Variants in BRINP3 observed in about 807,000 individuals in gnomAD.
BRINP3 encodes BMP/retinoic acid-inducible neural-specific protein 3.
BRINP3 carries 19 observed loss-of-function variants against 71.0 expected under a neutral mutation model. The ratio of observed to expected loss-of-function variants is 0.27; its 90% CI spans 0.19 to 0.39. BRINP3 has a LOEUF of 0.39. Among genes scored for constraint, BRINP3 ranks in the 10% least tolerant of loss-of-function variants. The probability of loss-of-function intolerance (pLI) is 1.00; values close to 1 mark genes in which losing one functional copy is unlikely to be tolerated. For missense variants in BRINP3, 959 were observed against 940.8 expected (o/e 1.02, Z -0.25); for synonymous variants, 380 against 337.7 (o/e 1.13, Z -1.37).
intron 7 of BRINP3, among the ~76,000 whole-genome samples, chr1:190,122,864 T>G (rs971458784): frequency 6.6e-6 from 1 of 152,116 alleles, no homozygotes; most frequent in Non-Finnish European, 1.5e-5. Context: ...GGTATAGATA[T>G]AGATAGTGTT....
At chr1:190,367,027 T>C (rs1669548244) in intron 2 of BRINP3, among the ~76,000 whole-genome samples, 1 of 152,194 alleles carries the variant, frequency 6.6e-6, no homozygotes, top group Admixed American at 6.5e-5. Flanking sequence ...GCTACCATTC[T>C]GGCATCTGGA....
intron 2 of BRINP3, among the ~76,000 whole-genome samples, chr1:190,355,385 A>C (rs1668663807): frequency 6.6e-6 from 1 of 151,878 alleles, no homozygotes; most frequent in Non-Finnish European, 1.5e-5. Context: ...AAAGTATGTA[A>C]ATTAACTTCT....
intron 6 of BRINP3, among the ~76,000 whole-genome samples, chr1:190,212,612 T>A (rs1656081105): frequency 6.6e-6 from 1 of 152,144 alleles, no homozygotes; most frequent in Non-Finnish European, 1.5e-5. Context: ...ATATTCTGAA[T>A]CATCTTCTCC....
chr1:190,445,573 TCA>T (rs34406812), intron 2 of BRINP3, among the ~76,000 whole-genome samples: 25,148 of 148,648 alleles, frequency 0.17, 2,338 homozygotes, highest in African/African-American at 0.25. Context: ...TAACACATAC[TCA>T]CACACACACA....
At chr1:190,148,298 C>CT (rs1280142158) in intron 7 of BRINP3, among the ~76,000 whole-genome samples, 1 of 151,832 alleles carries the variant, frequency 6.6e-6, no homozygotes, top group Non-Finnish European at 1.5e-5. Flanking sequence ...ATGAACCTCA[C>CT]TTTTAAAATA....
chr1:190,406,273 T>G (rs2102384671), intron 2 of BRINP3, among the ~76,000 whole-genome samples: 1 of 152,312 alleles, frequency 6.6e-6, no homozygotes, highest in East Asian at 1.9e-4. Flanking sequence ...CTGGCTACTT[T>G]CAGTCATCTC....
intron 2 of BRINP3, among the ~76,000 whole-genome samples, chr1:190,312,092 C>A (rs1243293943): frequency 2.5e-5 from 3 of 121,332 alleles, no homozygotes; most frequent in Non-Finnish European, 5.1e-5. Flanking sequence ...TCTAAGGTCA[C>A]CTTGTAGATA....
At chr1:190,259,193 G>A (rs1368316444) in intron 4 of BRINP3, among the ~76,000 whole-genome samples, 3 of 150,818 alleles carry the variant, frequency 2.0e-5, no homozygotes, top group Non-Finnish European at 4.4e-5. Context: ...TGTATCTCAG[G>A]AAAATATAGT....
chr1:190,241,432 G>A (rs1659083001), intron 4 of BRINP3, among the ~76,000 whole-genome samples: 1 of 151,754 alleles, frequency 6.6e-6, no homozygotes, highest in Admixed American at 6.6e-5. Flanking sequence ...AACAAGTTTT[G>A]GAAACTTTGC....
intron 2 of BRINP3, among the ~76,000 whole-genome samples, chr1:190,438,406 T>C (rs1415096274): frequency 6.6e-6 from 1 of 151,746 alleles, no homozygotes; most frequent in African/African-American, 2.4e-5. Flanking sequence ...TCGATATATG[T>C]AAAACAGGAT....
chr1:190,098,590 C>G lies in BRINP3; in HGVS notation c.1729G>C (p.Gly577Arg). ...AACCAGCTCTCAGAGTGGCTGCCTC[C>G]GAAGGGATTGACATAAACAGCCAAC... ...PVLAVYVNPF[G>R]GSHSESWFMP... The change falls in exon 8 of 8, where the codon GGA (glycine) becomes CGA (arginine). Residue 577 changes from glycine (G) to arginine (R), a missense_variant. By Grantham distance (125) the Gly-to-Arg change is moderately radical. Coordinates refer to ENST00000367462, the MANE Select transcript of BRINP3 (RefSeq NM_199051.3). 6.2e-7 allele frequency: 1 copy of G among 1,614,098 alleles called. No homozygotes were observed. Among genetic ancestry groups the G allele is most frequent in the Non-Finnish European group, 8.5e-7 (1 of 1,180,010 alleles).
At chr1:190,219,773 G>A (rs1656713760) in intron 6 of BRINP3, among the ~76,000 whole-genome samples, 1 of 151,796 alleles carries the variant, frequency 6.6e-6, no homozygotes, top group African/African-American at 2.4e-5. Flanking sequence ...GGGAGGTGGA[G>A]GTTTCAGTGA....
intron 7 of BRINP3, among the ~76,000 whole-genome samples, chr1:190,118,677 A>G (rs575138226): frequency 6.6e-6 from 1 of 152,284 alleles, no homozygotes; most frequent in African/African-American, 2.4e-5. Flanking sequence ...TGTGCTACTT[A>G]AGACTGCCTT....
chr1:190,457,180 G>T (rs959796478), intron 1 of BRINP3, among the ~76,000 whole-genome samples: 3 of 152,040 alleles, frequency 2.0e-5, no homozygotes, highest in South Asian at 4.1e-4. Context: ...GGTAGCTCAC[G>T]CCTATAATCC....
chr1:190,178,734 C>G (rs1652775900), intron 6 of BRINP3, among the ~76,000 whole-genome samples: 1 of 151,888 alleles, frequency 6.6e-6, no homozygotes, highest in Non-Finnish European at 1.5e-5. Context: ...TACAGGCAAC[C>G]ACTATAGAGA....
chr1:190,346,105 A>C (rs1483963225), intron 2 of BRINP3, among the ~76,000 whole-genome samples: 1 of 152,020 alleles, frequency 6.6e-6, no homozygotes, highest in East Asian at 1.9e-4. Flanking sequence ...TCATTTTAAT[A>C]TGTTTGCAAA....
chr1:190,446,568 C>T (rs922187633), intron 2 of BRINP3, among the ~76,000 whole-genome samples: 3 of 152,040 alleles, frequency 2.0e-5, no homozygotes, highest in African/African-American at 7.2e-5. Flanking sequence ...GTGATTTTTG[C>T]AGATAAATGC....
intron 2 of BRINP3, among the ~76,000 whole-genome samples, chr1:190,437,202 G>T (rs1043508649): frequency 6.6e-6 from 1 of 151,582 alleles, no homozygotes; most frequent in Non-Finnish European, 1.5e-5. Flanking sequence ...GAAAATACCC[G>T]GTTTCTAGTT....
chr1:190,256,623 C>T (rs1249043368), intron 4 of BRINP3, among the ~76,000 whole-genome samples: 2 of 152,116 alleles, frequency 1.3e-5, no homozygotes, highest in Non-Finnish European at 2.9e-5. Context: ...GTGGCTGGTA[C>T]CGGTTGTTCC....
Sources: gnomAD v4.1 joint callset for allele counts (sites outside exome capture counted in the v4.1 genomes callset) on GRCh38, gnomAD v4.1.1 for gene constraint, MANE v1.5 for transcripts, NCBI Gene and HGNC (gene_info 2026-07-23, HGNC 2026-07-21) for gene names.